The following MGAT4C variants were observed in gnomAD, a reference collection of about 807,000 sequenced individuals.
The protein encoded by MGAT4C is MGAT4 family member C.
A neutral mutation model predicts 40.1 loss-of-function variants in MGAT4C; 19 were observed. The ratio of observed to expected loss-of-function variants is 0.47; its 90% CI spans 0.33 to 0.70. The LOEUF (loss-of-function observed/expected upper bound fraction) is 0.70. Ranked by LOEUF, MGAT4C falls within the 30% of genes least tolerant of loss-of-function variation. The pLI is 0.02. For synonymous variants in MGAT4C, 181 were observed against 187.1 expected, an observed-to-expected ratio of 0.97 and a Z score of 0.27; for missense variants, 491 against 563.2, an observed-to-expected ratio of 0.87 and a Z score of 1.30.
chr12:86,083,862 T>C (rs755366171), intron 1 of MGAT4C, among the ~76,000 whole-genome samples: 1 of 152,064 alleles, frequency 6.6e-6, no homozygotes, highest in Non-Finnish European at 1.5e-5. Flanking sequence ...AGAGAAGGAA[T>C]ATTCAACACC....
chr12:86,687,883 A>T, intron 2 of MGAT4C, among the ~76,000 whole-genome samples: 1 of 152,062 alleles, frequency 6.6e-6, no homozygotes, highest in East Asian at 1.9e-4. Context: ...AATCCTGAAG[A>T]TCCTTGTTAA....
intron 1 of MGAT4C, among the ~76,000 whole-genome samples, chr12:86,176,733 A>C (rs897835036): frequency 1.3e-5 from 2 of 151,172 alleles, no homozygotes; most frequent in African/African-American, 4.9e-5. Flanking sequence ...TGTGAATTTT[A>C]GCAATGACAT....
At chr12:86,066,774 A>G (rs1894585693) in intron 1 of MGAT4C, among the ~76,000 whole-genome samples, 1 of 152,180 alleles carries the variant, frequency 6.6e-6, no homozygotes, top group East Asian at 1.9e-4. Flanking sequence ...TGAACAGGCA[A>G]CCTAAAGAAT....
chr12:86,096,108 T>C lies in MGAT4C; in HGVS notation c.-56-46385A>G, dbSNP rs560848028. On this transcript the variant is annotated intron_variant, in intron 1 of 4. Coordinates refer to ENST00000611864, the MANE Select transcript of MGAT4C (RefSeq NM_001351288.2). ...CTAAAATATATTACTCCATTGTTTC[T>C]GGCAAAAAGAAATGTTTGCTGTCAA... is the stretch of plus-strand genomic sequence containing the variant. 1.5e-3 allele frequency among the ~76,000 whole-genome samples: 226 copies of C among 151,846 alleles called. 2 individuals are homozygous for C. Among genetic ancestry groups the C allele is most frequent in the African/African-American group, 4.5e-3 (186 of 41,542 alleles).
rs137888012 is a variant in MGAT4C, at chr12:86,821,332, G to C, written c.-262+17334C>G. On this transcript the variant is annotated intron_variant, in intron 1 of 7. Coordinates refer to the MGAT4C transcript ENST00000548651. Reference sequence around the variant, plus strand: ...ATGAAAAAAATAGACAAAATATTGAGGACAAAGTTAAGCAACGTTTAATCT... The same window carrying C: ...ATGAAAAAAATAGACAAAATATTGACGACAAAGTTAAGCAACGTTTAATCT... Among the ~76,000 whole-genome samples the C allele has an allele frequency of 4.4e-4, 66 of 150,810 alleles. 1 individual carries two copies. The highest frequency in any genetic ancestry group is 1.3e-3 in the Admixed American group (20 of 15,034).
intron 4 of MGAT4C, among the ~76,000 whole-genome samples, chr12:86,292,518 C>G (rs945116066): frequency 6.6e-6 from 1 of 151,782 alleles, no homozygotes; most frequent in Non-Finnish European, 1.5e-5. Flanking sequence ...CATTTTCCCC[C>G]AAATTCAAGG....
chr12:86,446,417 CA>C (rs1401253989), intron 2 of MGAT4C, among the ~76,000 whole-genome samples: 1 of 151,512 alleles, frequency 6.6e-6, no homozygotes, highest in Non-Finnish European at 1.5e-5. Context: ...GTATTCATTT[CA>C]CATTATTTAT....
chr12:86,538,896 T>C (rs1959123018), intron 2 of MGAT4C, among the ~76,000 whole-genome samples: 1 of 151,898 alleles, frequency 6.6e-6, no homozygotes, highest in Admixed American at 6.6e-5. Context: ...CATGAGCCAC[T>C]GTGCCTGGCC....
chr12:86,111,097 T>TAC (rs1877312333), intron 1 of MGAT4C, among the ~76,000 whole-genome samples: 1 of 151,858 alleles, frequency 6.6e-6, no homozygotes, highest in African/African-American at 2.4e-5. Flanking sequence ...CTTTTATAGT[T>TAC]TTTAAACCAT....
chr12:86,058,010 C>T (rs1427957928), intron 1 of MGAT4C, among the ~76,000 whole-genome samples: 2 of 151,834 alleles, frequency 1.3e-5, no homozygotes, highest in Non-Finnish European at 2.9e-5. Context: ...CCTACATTAC[C>T]ACACTTCTTT....
Position 85,964,188 on chromosome 12 carries a change from C to T in MGAT4C, c.*15101G>A, listed in dbSNP as rs910062878. On this transcript the variant is annotated 3_prime_UTR_variant, in exon 5 of 5. Transcript: ENST00000611864. Reference sequence around the variant, plus strand: ...CAATGATTAGATTATGTTATAAAGACACTATGAAGAGATACTAAATGATAT... The same window carrying T: ...CAATGATTAGATTATGTTATAAAGATACTATGAAGAGATACTAAATGATAT... 1 of 152,010 alleles carries T rather than the reference C, an allele frequency of 6.6e-6. No individual in the cohort carries two copies. Among genetic ancestry groups the T allele is most frequent in the Non-Finnish European group, 1.5e-5 (1 of 67,920 alleles). 9.4% of individuals were successfully genotyped at this position (152,010 alleles called of 1,614,324 possible). A position where few individuals can be genotyped will look rare whatever the true frequency, so the allele number is the denominator to read the frequency against.
At chr12:86,300,718 C>T (rs1046690904) in intron 4 of MGAT4C, among the ~76,000 whole-genome samples, 1 of 126,722 alleles carries the variant, frequency 7.9e-6, no homozygotes, top group Non-Finnish European at 1.9e-5. Context: ...CAAAAGATCC[C>T]CCCTCCTCAT....
intron 2 of MGAT4C, among the ~76,000 whole-genome samples, chr12:86,638,639 T>C (rs1963292197): frequency 6.6e-6 from 1 of 151,862 alleles, no homozygotes; most frequent in Non-Finnish European, 1.5e-5. Flanking sequence ...ATAAAAGAAC[T>C]GCCAAGTTTA....
chr12:86,186,992 G>C (rs565439005), intron 1 of MGAT4C, among the ~76,000 whole-genome samples: 38 of 152,190 alleles, frequency 2.5e-4, no homozygotes, highest in African/African-American at 8.9e-4. Context: ...ACTGGAGTGA[G>C]CACAATGGGC....
At chr12:86,838,763 A>C (rs1465571617) in exon 1 of MGAT4C, 4 of 152,204 alleles carry the variant, frequency 2.6e-5, no homozygotes, top group Non-Finnish European at 5.9e-5. Flanking sequence ...GGAGAGTTTC[A>C]TTCCCTGGGC....
chr12:86,180,874 G>A (rs963394849), intron 1 of MGAT4C, among the ~76,000 whole-genome samples: 2 of 152,100 alleles, frequency 1.3e-5, no homozygotes, highest in Admixed American at 6.6e-5. Flanking sequence ...TTAAACCTTT[G>A]GGGGACTGTT....
At chr12:86,686,233 G>A (rs1950070256) in intron 2 of MGAT4C, among the ~76,000 whole-genome samples, 1 of 152,028 alleles carries the variant, frequency 6.6e-6, no homozygotes, top group African/African-American at 2.4e-5. Flanking sequence ...TGCTGAAGTT[G>A]CTTATCAGCT....
chr12:86,384,013 T>C (rs1956004601), intron 3 of MGAT4C, among the ~76,000 whole-genome samples: 1 of 152,126 alleles, frequency 6.6e-6, no homozygotes, highest in Non-Finnish European at 1.5e-5. Flanking sequence ...GTTCTAATGA[T>C]AGTGAATAAG....
chr12:86,167,422 A>C (rs1157985015), intron 1 of MGAT4C, among the ~76,000 whole-genome samples: 1 of 152,210 alleles, frequency 6.6e-6, no homozygotes, highest in Non-Finnish European at 1.5e-5. Flanking sequence ...GTTTAAACTA[A>C]ATAGAGAAAG....
Sources: gnomAD v4.1 joint callset for allele counts (sites outside exome capture counted in the v4.1 genomes callset) on GRCh38, gnomAD v4.1.1 for gene constraint, MANE v1.5 for transcripts, NCBI Gene and HGNC (gene_info 2026-07-23, HGNC 2026-07-21) for gene names.